NPAS3: variants seen among roughly 807,000 people sequenced by gnomAD.
The protein encoded by NPAS3 is neuronal PAS domain protein 3.
A neutral mutation model predicts 73.1 loss-of-function variants in NPAS3; 14 were observed. The ratio of observed to expected loss-of-function variants is 0.19; its 90% confidence interval spans 0.13 to 0.30. NPAS3 has a LOEUF of 0.30. Ranked by LOEUF, NPAS3 falls within the 10% of genes least tolerant of loss-of-function variation. NPAS3 has a pLI of 1.00. For missense variants in NPAS3, 1,096 were observed against 1,250.0 expected, an observed-to-expected ratio of 0.88 and a Z score of 1.86; for synonymous variants, 620 against 541.5, an observed-to-expected ratio of 1.14 and a Z score of -2.01.
intron 7 of NPAS3, among the ~76,000 whole-genome samples, chr14:33,765,261 AT>A (rs1196790363): frequency 6.6e-6 from 1 of 151,846 alleles, no homozygotes; most frequent in Non-Finnish European, 1.5e-5. Flanking sequence ...TTTAAAAATA[AT>A]TTTTTATTTG....
chr14:33,784,608 A>G (rs1341622391), intron 9 of NPAS3, among the ~76,000 whole-genome samples: 2 of 152,142 alleles, frequency 1.3e-5, no homozygotes, highest in Non-Finnish European at 2.9e-5. Flanking sequence ...GTCTCCCCAG[A>G]GAGCAAGCCA....
chr14:33,332,234 G>A (rs1313671498), intron 3 of NPAS3, among the ~76,000 whole-genome samples: 1 of 152,140 alleles, frequency 6.6e-6, no homozygotes, highest in African/African-American at 2.4e-5. Flanking sequence ...GTGTGGTTCA[G>A]TTGCTTGGCT....
At chr14:33,503,559 G>A (rs1266044603) in intron 4 of NPAS3, among the ~76,000 whole-genome samples, 1 of 151,652 alleles carries the variant, frequency 6.6e-6, no homozygotes, top group Non-Finnish European at 1.5e-5. Context: ...AGGCCATATT[G>A]TGCTATTTCT....
At chr14:33,346,439 G>T (rs1205626610) in intron 3 of NPAS3, among the ~76,000 whole-genome samples, 3 of 145,694 alleles carry the variant, frequency 2.1e-5, no homozygotes, top group Admixed American at 7.2e-5. Context: ...GAGGTAGGAG[G>T]ATCGCTTGAA....
At chr14:33,191,753 C>T (rs2046178173) in intron 2 of NPAS3, among the ~76,000 whole-genome samples, 1 of 152,184 alleles carries the variant, frequency 6.6e-6, no homozygotes, top group African/African-American at 2.4e-5. Flanking sequence ...GCAAAACTAC[C>T]AGTGTTCTCA....
rs146277190 is a variant in NPAS3, at chr14:33,344,376, A to G, written c.386-22810A>G. On this transcript the variant is annotated intron_variant, in intron 3 of 11. Transcript: ENST00000356141. ...TTTCTCTTTCAACCCAGTGACATCC[A>G]TATTTTGACATTTTCAGCATGGATA... Among the ~76,000 whole-genome samples, 17 of 152,328 alleles carry G rather than the reference A, an allele frequency of 1.1e-4. 1 individual carries two copies. Among genetic ancestry groups the G allele is most frequent in the African/African-American group, 4.1e-4 (17 of 41,574 alleles).
chr14:33,773,537 C>T (rs2062720279), intron 7 of NPAS3, among the ~76,000 whole-genome samples: 1 of 152,180 alleles, frequency 6.6e-6, no homozygotes, highest in Non-Finnish European at 1.5e-5. Flanking sequence ...CGCTATGGCT[C>T]TTCTATGTGC....
At chr14:33,054,258 C>T (rs767715161) in intron 1 of NPAS3, among the ~76,000 whole-genome samples, 8 of 152,094 alleles carry the variant, frequency 5.3e-5, no homozygotes, top group Non-Finnish European at 1.2e-4. Context: ...TTTGAAATTC[C>T]ACTGATAGTT....
At chr14:33,761,333 T>C (rs1299190068) in intron 7 of NPAS3, among the ~76,000 whole-genome samples, 1 of 152,144 alleles carries the variant, frequency 6.6e-6, no homozygotes, top group Non-Finnish European at 1.5e-5. Context: ...AAAAGACTGA[T>C]CTGGGTTGGG....
chr14:33,741,229 C>T (rs2061648543), intron 7 of NPAS3, among the ~76,000 whole-genome samples: 2 of 152,176 alleles, frequency 1.3e-5, no homozygotes, highest in South Asian at 4.2e-4. Context: ...AAGCCTTTTG[C>T]TTCAGCTTTG....
intron 2 of NPAS3, among the ~76,000 whole-genome samples, chr14:33,154,333 C>A (rs2044570695): frequency 6.6e-6 from 1 of 152,182 alleles, no homozygotes; most frequent in African/African-American, 2.4e-5. Flanking sequence ...CTTAACTCAC[C>A]TTTGATCCTA....
chr14:33,766,181 G>A (rs1252841920), intron 7 of NPAS3, among the ~76,000 whole-genome samples: 4 of 152,200 alleles, frequency 2.6e-5, no homozygotes, highest in East Asian at 1.9e-4. Flanking sequence ...ATGCATACGT[G>A]TACCTGAAGT....
intron 7 of NPAS3, among the ~76,000 whole-genome samples, chr14:33,754,621 G>C (rs549386753): frequency 6.6e-6 from 1 of 152,254 alleles, no homozygotes; most frequent in East Asian, 1.9e-4. Flanking sequence ...CCATCCCACT[G>C]AATTTCCAGA....
downstream of NPAS3, chr14:33,802,388 A>AAAG (rs2063736421): frequency 6.7e-6 from 1 of 150,282 alleles, no homozygotes. Flanking sequence ...AAAAAAAAAA[A>AAAG]AAAGAAAAAA....
chr14:33,151,466 A>G (rs2044441852), intron 2 of NPAS3, among the ~76,000 whole-genome samples: 1 of 152,218 alleles, frequency 6.6e-6, no homozygotes, highest in African/African-American at 2.4e-5. Context: ...AGTTTGTATA[A>G]AAGAGGGTGA....
At chr14:33,436,882 A>G (rs1218213618) in intron 4 of NPAS3, among the ~76,000 whole-genome samples, 1 of 152,218 alleles carries the variant, frequency 6.6e-6, no homozygotes, top group Non-Finnish European at 1.5e-5. Flanking sequence ...AGGAAAAACA[A>G]CAACTCTTCC....
chr14:33,386,063 A>T (rs2046762082), intron 4 of NPAS3, among the ~76,000 whole-genome samples: 1 of 128,360 alleles, frequency 7.8e-6, no homozygotes, highest in Non-Finnish European at 1.6e-5. Flanking sequence ...CACATCTGTA[A>T]TTGAGAATTT....
At chr14:33,113,074 GTAGTA>G (rs1354164900) in intron 2 of NPAS3, among the ~76,000 whole-genome samples, 3 of 152,158 alleles carry the variant, frequency 2.0e-5, no homozygotes, top group Non-Finnish European at 4.4e-5. Flanking sequence ...CTGTAGCCTT[GTAGTA>G]TAGTTTGAAG....
intron 4 of NPAS3, among the ~76,000 whole-genome samples, chr14:33,509,784 G>T (rs2140000344): frequency 6.6e-6 from 1 of 152,120 alleles, no homozygotes; most frequent in East Asian, 1.9e-4. Flanking sequence ...ACTTCTGAAA[G>T]CTCTTTATGA....
Sources: gnomAD v4.1 joint callset for allele counts (sites outside exome capture counted in the v4.1 genomes callset) on GRCh38, gnomAD v4.1.1 for gene constraint, MANE v1.5 for transcripts, NCBI Gene and HGNC (gene_info 2026-07-23, HGNC 2026-07-21) for gene names.